Variants in CCDC85C observed in about 807,000 individuals in gnomAD.
CCDC85C encodes the protein coiled-coil domain containing 85C, also known as coiled-coil domain-containing protein 85C.
CCDC85C carries 18 observed loss-of-function variants against 38.3 expected under a neutral mutation model. The ratio of observed to expected loss-of-function variants is 0.47; its 90% CI spans 0.33 to 0.70. The LOEUF is 0.70. CCDC85C is among the 30% of genes least tolerant of loss of function. The pLI, the probability that CCDC85C is intolerant of heterozygous loss-of-function variation, is 0.03. For missense variants in CCDC85C, 566 were observed against 621.2 expected (o/e 0.91, Z 0.94); for synonymous variants, 264 against 293.8 (o/e 0.90, Z 1.04).
At chr14:99,575,600 C>T (rs1054680726) in intron 1 of CCDC85C, among the ~76,000 whole-genome samples, 5 of 152,242 alleles carry the variant, frequency 3.3e-5, no homozygotes, top group Admixed American at 1.3e-4. Context: ...GGTGGCAGCC[C>T]TGTATGTCCC....
At chr14:99,563,448 C>G (rs940441137) in intron 1 of CCDC85C, among the ~76,000 whole-genome samples, 2 of 152,288 alleles carry the variant, frequency 1.3e-5, no homozygotes, top group Non-Finnish European at 2.9e-5. Flanking sequence ...CCTGCCCTGG[C>G]CACCTTCTGC....
intron 1 of CCDC85C, among the ~76,000 whole-genome samples, chr14:99,553,195 G>A (rs940353793): frequency 7.2e-5 from 11 of 152,164 alleles, no homozygotes; most frequent in Middle Eastern, 3.2e-3. Flanking sequence ...TCACTGAGCC[G>A]CCGAGAGGAT....
At position 99,507,740 on chromosome 14, in the gene CCDC85C, G is replaced by A. The variant is rs796420997; in HGVS notation, c.*7506C>T. 6.5e-6 allele frequency: 1 copy of A among 153,748 alleles called. No individual in the cohort carries two copies. The highest frequency in any genetic ancestry group is 2.4e-5 in the African/African-American group (1 of 41,436). The allele number at this position is 153,748 out of a possible 1,614,324, so 9.5% of individuals were successfully genotyped here. On this transcript the variant is annotated 3_prime_UTR_variant, in exon 6 of 6. Coordinates refer to ENST00000380243, the MANE Select transcript of CCDC85C (RefSeq NM_001144995.2). ...AGAGGCAGGGTTACTGTGGCTACTA[G>A]GCTCCGGCCGCCCCTACACCTGCTT...
chr14:99,538,585 C>A (rs1444212295), intron 1 of CCDC85C, among the ~76,000 whole-genome samples: 2 of 152,212 alleles, frequency 1.3e-5, no homozygotes, highest in Non-Finnish European at 2.9e-5. Flanking sequence ...GGTGCACTTT[C>A]AGCCCACCCG....
intron 2 of CCDC85C, among the ~76,000 whole-genome samples, chr14:99,530,111 C>A (rs1358441778): frequency 6.6e-6 from 1 of 152,178 alleles, no homozygotes; most frequent in Non-Finnish European, 1.5e-5. Flanking sequence ...TGGTGACTCT[C>A]CCCCAGCATC....
Position 99,588,541 on chromosome 14 carries a change from C to A in CCDC85C, c.793+14626G>T, listed in dbSNP as rs1040923333. ...AATTCAAAAGAAAATGAGATTTTCT[C>A]ATTTTTATTCTGCTCCTGCTGGCGA... On this transcript the variant is annotated intron_variant, in intron 1 of 5. Transcript: ENST00000380243. This position sits in a 1 kb window ranked among gnomAD's most constrained non-coding sequence, Gnocchi z 5.0. 6.6e-6 allele frequency among the ~76,000 whole-genome samples: 1 copy of A among 152,128 alleles called. No homozygotes were observed. The highest frequency in any genetic ancestry group is 6.5e-5 in the Admixed American group (1 of 15,282).
intron 1 of CCDC85C, among the ~76,000 whole-genome samples, chr14:99,598,258 A>C (rs936571596): frequency 6.6e-6 from 1 of 152,224 alleles, no homozygotes; most frequent in African/African-American, 2.4e-5. Flanking sequence ...AGGCTCAGGA[A>C]CTTGCTTAAC....
rs1352967576 is a variant in CCDC85C, at chr14:99,505,280, C to T, written c.*9966G>A. The T allele has an allele frequency of 6.6e-6, 1 of 152,298 alleles. No homozygotes were observed. The highest frequency in any genetic ancestry group is 1.5e-5 in the Non-Finnish European group (1 of 68,130). 9.4% of individuals were successfully genotyped at this position (152,298 alleles called of 1,614,324 possible). ...CATGCTGGCTGCGGGGCAGGAAGGG[C>T]AGATCCGGAGGAAGCTTTATAGAGG... is the stretch of plus-strand genomic sequence containing the variant. On this transcript the variant is annotated 3_prime_UTR_variant, in exon 6 of 6. Coordinates refer to ENST00000380243, the MANE Select transcript of CCDC85C (RefSeq NM_001144995.2).
At chr14:99,517,726 A>G (rs1287209192) in intron 3 of CCDC85C, among the ~76,000 whole-genome samples, 2 of 152,122 alleles carry the variant, frequency 1.3e-5, no homozygotes, top group East Asian at 3.9e-4. Flanking sequence ...CCCAGCTCCC[A>G]CATCAGGCCT....
intron 3 of CCDC85C, 33 bp downstream of exon 3, chr14:99,522,100 G>T (rs939171912): frequency 2.0e-6 from 3 of 1,505,242 alleles, no homozygotes; most frequent in South Asian, 1.2e-5. Context: ...CCCTCATCCA[G>T]AACATGTGGG....
chr14:99,556,564 G>A (rs1898014732), intron 1 of CCDC85C, among the ~76,000 whole-genome samples: 1 of 152,140 alleles, frequency 6.6e-6, no homozygotes, highest in South Asian at 2.1e-4. Context: ...TGCCCAGGCT[G>A]GAGTGCAGCA....
intron 1 of CCDC85C, chr14:99,583,046 C>T (rs888321667): frequency 6.6e-6 from 1 of 152,196 alleles, no homozygotes; most frequent in Non-Finnish European, 1.5e-5. Flanking sequence ...GTATTTACAA[C>T]TAATTGATCA....
chr14:99,505,969 GA>G lies in CCDC85C; in HGVS notation c.*9276del. 4 of 152,652 alleles carry G rather than the reference GA, an allele frequency of 2.6e-5. No individual in the cohort carries two copies. The highest frequency in any genetic ancestry group is 5.9e-5 in the Non-Finnish European group (4 of 68,230). The allele number at this position is 152,652 out of a possible 1,614,324, so 9.5% of individuals were successfully genotyped here. On this transcript the variant is annotated 3_prime_UTR_variant, in exon 6 of 6. Transcript: ENST00000380243. ...CTTTAGCTAACTATTACCAGCTGTG[GA>G]AAAAGGCAGGAGGTGGGTCCCTGAG...
rs1896846227 is a variant in CCDC85C at position 99,502,141 on chromosome 14, C to T, written c.*13105G>A. The T allele has an allele frequency of 6.8e-7, 1 of 1,477,166 alleles. No homozygotes were observed. 91.5% of individuals were successfully genotyped at this position (1,477,166 alleles called of 1,614,324 possible). The stretch of plus-strand genomic sequence containing the variant: ...AATTAATGGTTAGTTATGGCATCTC[C>T]ATGCACTGGTTTAATCATAAATATT... On this transcript the variant is annotated 3_prime_UTR_variant, in exon 6 of 6. Coordinates refer to ENST00000380243, the MANE Select transcript of CCDC85C (RefSeq NM_001144995.2).
At chr14:99,565,061 C>A (rs1017120975) in intron 1 of CCDC85C, among the ~76,000 whole-genome samples, 7 of 152,140 alleles carry the variant, frequency 4.6e-5, no homozygotes, top group African/African-American at 1.7e-4. Flanking sequence ...TGCAGCCAGG[C>A]GGCTGCACTT....
intron 1 of CCDC85C, among the ~76,000 whole-genome samples, chr14:99,596,079 G>A (rs1473103917): frequency 6.6e-6 from 1 of 152,238 alleles, no homozygotes; most frequent in Non-Finnish European, 1.5e-5. Context: ...GCCCTGGGGT[G>A]GGCCCCTGTC....
At chr14:99,564,732 C>T (rs185096644) in intron 1 of CCDC85C, among the ~76,000 whole-genome samples, 67 of 152,328 alleles carry the variant, frequency 4.4e-4, no homozygotes, top group African/African-American at 1.5e-3. Context: ...AGGCCCATCT[C>T]ACAACAGCAG....
At chr14:99,523,906 G>C (rs1897336342) in intron 2 of CCDC85C, among the ~76,000 whole-genome samples, 1 of 151,978 alleles carries the variant, frequency 6.6e-6, no homozygotes, top group Non-Finnish European at 1.5e-5. Flanking sequence ...CGCAGGTGGA[G>C]GTCAGATCAA....
At chr14:99,546,673 C>T (rs1897813904) in intron 1 of CCDC85C, among the ~76,000 whole-genome samples, 1 of 152,076 alleles carries the variant, frequency 6.6e-6, no homozygotes, top group Non-Finnish European at 1.5e-5. Flanking sequence ...GATAACATAG[C>T]CACGTGGAGA....
Sources: allele counts gnomAD v4.1 joint callset (sites outside exome capture counted in the v4.1 genomes callset), GRCh38; gene constraint gnomAD v4.1.1; non-coding constraint Gnocchi (gnomAD v3.1); transcripts MANE v1.5; gene names NCBI Gene and HGNC (gene_info 2026-07-23, HGNC 2026-07-21).